COL4A2: variants seen among roughly 807,000 people sequenced by gnomAD.
COL4A2 encodes collagen alpha-2(IV) chain.
COL4A2 carries 99 observed loss-of-function variants against 200.2 expected under a neutral mutation model. The observed-to-expected ratio is 0.49, with a 90% CI of 0.42 to 0.58. The LOEUF (loss-of-function observed/expected upper bound fraction) is 0.58, where lower values mean the gene tolerates loss of function less well. COL4A2 is among the 20% of genes least tolerant of loss of function. The pLI is 0.00. For synonymous variants in COL4A2, 897 were observed against 900.6 expected, an observed-to-expected ratio of 1.00 and a Z score of 0.07; for missense variants, 1,950 against 2,314.1, an observed-to-expected ratio of 0.84 and a Z score of 3.23.
chr13:110,458,904 A>G lies in COL4A2; in HGVS notation c.1566A>G (p.Gln522=). 1 of 1,592,774 alleles carries G rather than the reference A, an allele frequency of 6.3e-7. No homozygotes were observed. The highest frequency in any genetic ancestry group is 1.8e-5 in the Admixed American group (1 of 56,600). Residue 522 remains glutamine (Q), a synonymous_variant, in exon 22 of 48, where the codon CAA becomes CAG. Transcript: ENST00000360467. ...AAGGGGACAGAGGAGACCCCGGCCAACACGGCCTCCCTGGGTTCCCAGGGC... is the reference window on the plus strand; with the variant it reads ...AAGGGGACAGAGGAGACCCCGGCCAGCACGGCCTCCCTGGGTTCCCAGGGC... ...GRKGDRGDPG[Q]HGLPGFPGLK...
chr13:110,372,016 C>T (rs185625702), intron 4 of COL4A2, among the ~76,000 whole-genome samples: 3 of 150,672 alleles, frequency 2.0e-5, no homozygotes, highest in East Asian at 3.9e-4. Context: ...TGGGAGATTC[C>T]GCTCACCTCT....
At chr13:110,430,136 A>G in intron 8 of COL4A2, 180 bp downstream of exon 8, 1 of 735,028 alleles carries the variant, frequency 1.4e-6, no homozygotes, top group Non-Finnish European at 2.0e-6. Flanking sequence ...TCTTATTTTT[A>G]ATTGTGTGTT....
At chr13:110,469,000 T>C (rs975627651) in intron 27 of COL4A2, among the ~76,000 whole-genome samples, 1 of 152,170 alleles carries the variant, frequency 6.6e-6, no homozygotes, top group Non-Finnish European at 1.5e-5. Context: ...AATCTAAATA[T>C]TGGATATTAT....
Position 110,484,887 on chromosome 13 carries a change from C to A in COL4A2, c.2903-18C>A. ...GTCTGGAGCCCCCAGAAAATGACAG[C>A]ACTCTATTCCCTTCCAGGCAGCCGA... On this transcript the variant is annotated intron_variant, in intron 32 of 47. Coordinates refer to ENST00000360467, the MANE Select transcript of COL4A2 (RefSeq NM_001846.4). 1 of 1,587,486 alleles carries A rather than the reference C, an allele frequency of 6.3e-7. No homozygotes were observed. The highest frequency in any genetic ancestry group is 8.6e-7 in the Non-Finnish European group (1 of 1,164,414).
rs1376690831 is a variant in COL4A2, at chr13:110,512,219, T to C, written c.*28T>C. On this transcript the variant is annotated 3_prime_UTR_variant, in exon 48 of 48. Coordinates refer to ENST00000360467, the MANE Select transcript of COL4A2 (RefSeq NM_001846.4). The stretch of plus-strand genomic sequence containing the variant: ...CGGCGCGTGCCAGGAAGGGCCATTT[T>C]GGTGCTTATTCTTAACTTATTACCT... The C allele has an allele frequency of 1.3e-6, 2 of 1,598,172 alleles. No homozygotes were observed. Among genetic ancestry groups the C allele is most frequent in the Non-Finnish European group, 1.7e-6 (2 of 1,173,902 alleles).
At chr13:110,474,261 G>A (rs111972771) in intron 29 of COL4A2, among the ~76,000 whole-genome samples, 30 of 152,342 alleles carry the variant, frequency 2.0e-4, no homozygotes, top group African/African-American at 7.0e-4. Flanking sequence ...GGTGTGGGAA[G>A]CAGGTGTCGC....
At chr13:110,473,228 G>A (rs942074290) in intron 29 of COL4A2, 78 bp downstream of exon 29, 6 of 1,382,842 alleles carry the variant, frequency 4.3e-6, no homozygotes, top group Non-Finnish European at 5.9e-6. Context: ...ATCCCTTCCG[G>A]GGGATTTGGT....
At chr13:110,359,576 G>C (rs1185210254) in intron 4 of COL4A2, among the ~76,000 whole-genome samples, 1 of 152,152 alleles carries the variant, frequency 6.6e-6, no homozygotes, top group Non-Finnish European at 1.5e-5. Flanking sequence ...GTGTCCAAAT[G>C]AGTTTCCCCA....
intron 34 of COL4A2, among the ~76,000 whole-genome samples, 198 bp downstream of exon 34, chr13:110,486,034 A>C (rs1375228950): frequency 6.6e-6 from 1 of 151,984 alleles, no homozygotes; most frequent in Admixed American, 6.5e-5. Flanking sequence ...TGTGAGTCCA[A>C]CCGGCTGCCG....
At chr13:110,486,025 G>A (rs1171760950) in intron 34 of COL4A2, among the ~76,000 whole-genome samples, 189 bp downstream of exon 34, 2 of 152,232 alleles carry the variant, frequency 1.3e-5, no homozygotes, top group African/African-American at 2.4e-5. Context: ...CAGATGTGAT[G>A]TGAGTCCAAC....
At chr13:110,441,854 G>T (rs1881135119) in intron 16 of COL4A2, among the ~76,000 whole-genome samples, 1 of 151,672 alleles carries the variant, frequency 6.6e-6, no homozygotes, top group South Asian at 2.1e-4. Context: ...GCCAAGGTGA[G>T]TGGATCATAG....
At chr13:110,311,130 C>A (rs986286294) in intron 3 of COL4A2, among the ~76,000 whole-genome samples, 2 of 152,216 alleles carry the variant, frequency 1.3e-5, no homozygotes, top group South Asian at 4.1e-4. Flanking sequence ...AGGCTCTCCC[C>A]CTCCTTCCTC....
intron 4 of COL4A2, among the ~76,000 whole-genome samples, chr13:110,418,648 T>C (rs865801852): frequency 6.6e-6 from 1 of 152,254 alleles, no homozygotes; most frequent in South Asian, 2.1e-4. Flanking sequence ...AGGGTCCATA[T>C]AGTTCTACCT....
Position 110,485,756 on chromosome 13 carries a change from G to A in COL4A2, c.3127G>A (p.Gly1043Ser). 3.7e-6 allele frequency: 6 copies of A among 1,613,908 alleles called. No individual in the cohort carries two copies. The highest frequency in any genetic ancestry group is 2.2e-5 in the East Asian group (1 of 44,862). The change falls in exon 34 of 48, where the codon GGC (glycine) becomes AGC (serine). Residue 1043 changes from glycine (G) to serine (S), a missense_variant. Transcript: ENST00000360467. ...AGTCAAGGGAGACATCGGAGTCCCC[G>A]GCATCCCCGGTTTGCCAGGATTCCC... Reference protein sequence around the residue: ...KGVKGDIGVPGIPGLPGFPGV... With the variant: ...KGVKGDIGVPSIPGLPGFPGV...
chr13:110,485,079 C>G, intron 33 of COL4A2, 52 bp downstream of exon 33: 2 of 1,472,460 alleles, frequency 1.4e-6, no homozygotes, highest in South Asian at 1.3e-5. Flanking sequence ...CGCCCCAGCC[C>G]GCACCAGCTC....
intron 47 of COL4A2, among the ~76,000 whole-genome samples, chr13:110,509,270 T>TATATATATATATATACACAC (rs1435137108): frequency 8.7e-6 from 1 of 115,600 alleles, no homozygotes; most frequent in African/African-American, 3.5e-5. Flanking sequence ...TATATATATA[T>TATATATATATATATACACAC]ACACACACAC....
At chr13:110,432,268 G>A (rs1880710081) in intron 10 of COL4A2, 57 bp from the exon 11 acceptor site, 1 of 1,559,896 alleles carries the variant, frequency 6.4e-7, no homozygotes, top group East Asian at 2.3e-5. Flanking sequence ...TCCACCAGAT[G>A]TTATCTGGGT....
At chr13:110,486,527 C>T (rs1883123542) in intron 34 of COL4A2, among the ~76,000 whole-genome samples, 1 of 152,208 alleles carries the variant, frequency 6.6e-6, no homozygotes, top group Admixed American at 6.5e-5. Flanking sequence ...GTCCCTAGCA[C>T]ACGGCTGGCC....
At chr13:110,356,454 T>G (rs1877268651) in intron 3 of COL4A2, among the ~76,000 whole-genome samples, 1 of 152,178 alleles carries the variant, frequency 6.6e-6, no homozygotes, top group Non-Finnish European at 1.5e-5. Flanking sequence ...TCCCTCCTCC[T>G]CACATGGCCC....
Sources: allele counts gnomAD v4.1 joint callset (sites outside exome capture counted in the v4.1 genomes callset), GRCh38; gene constraint gnomAD v4.1.1; transcripts MANE v1.5; gene names NCBI Gene and HGNC (gene_info 2026-07-23, HGNC 2026-07-21).